HERC1: variants seen among roughly 807,000 people sequenced by gnomAD.
HERC1 encodes probable E3 ubiquitin-protein ligase HERC1.
Under a neutral mutation model 554.3 loss-of-function variants are expected in HERC1, and 160 were observed. The ratio of observed to expected loss-of-function variants is 0.29; its 90% CI spans 0.25 to 0.33. HERC1 has a LOEUF of 0.33. Ranked by LOEUF, HERC1 falls within the 10% of genes least tolerant of loss-of-function variation. The pLI, the probability that HERC1 is intolerant of heterozygous loss-of-function variation, is 1.00. For missense variants in HERC1, 4,919 were observed against 5,918.5 expected, an observed-to-expected ratio of 0.83 and a Z score of 5.54; for synonymous variants, 2,175 against 2,131.7, an observed-to-expected ratio of 1.02 and a Z score of -0.56.
At chr15:63,695,579 G>C (rs2072362352) in intron 27 of HERC1, among the ~76,000 whole-genome samples, 1 of 151,598 alleles carries the variant, frequency 6.6e-6, no homozygotes, top group Admixed American at 6.6e-5. Flanking sequence ...GTAGAGACGG[G>C]GTTTCGCCAT....
intron 2 of HERC1, among the ~76,000 whole-genome samples, chr15:63,767,513 A>G (rs2075819236): frequency 6.6e-6 from 1 of 152,092 alleles, no homozygotes; most frequent in Admixed American, 6.5e-5. Flanking sequence ...CAGCCTGACC[A>G]TGCTGAAACC....
chr15:63,760,091 A>C (rs2075557614), intron 3 of HERC1, among the ~76,000 whole-genome samples: 1 of 116,542 alleles, frequency 8.6e-6, no homozygotes, highest in Non-Finnish European at 1.8e-5. Context: ...CCCTACACTG[A>C]GAAAAACTAC....
At chr15:63,660,060 T>C (rs375212901) in intron 46 of HERC1, 124 bp from the exon 47 acceptor site, 45 of 785,956 alleles carry the variant, frequency 5.7e-5, no homozygotes, top group East Asian at 2.1e-4. Flanking sequence ...GGCTCACGCC[T>C]GTAATCCCAA....
At chr15:63,761,911 G>GAACT (rs2075623849) in intron 3 of HERC1, among the ~76,000 whole-genome samples, 1 of 152,178 alleles carries the variant, frequency 6.6e-6, no homozygotes, top group Non-Finnish European at 1.5e-5. Flanking sequence ...GTATCAGTAT[G>GAACT]AACTCATTAG....
At chr15:63,703,737 A>T (rs1217246979) in intron 25 of HERC1, among the ~76,000 whole-genome samples, 1 of 151,808 alleles carries the variant, frequency 6.6e-6, no homozygotes, top group African/African-American at 2.4e-5. Flanking sequence ...AAAAAAATAT[A>T]TAAAATAAAT....
intron 71 of HERC1, 27 bp from the exon 72 acceptor site, chr15:63,624,354 A>C: frequency 6.4e-7 from 1 of 1,556,144 alleles, no homozygotes; most frequent in Non-Finnish European, 8.7e-7. Flanking sequence ...GGTTATCAGA[A>C]ATGGTACAAT....
chr15:63,617,084 T>C (rs2067852362), intron 74 of HERC1, among the ~76,000 whole-genome samples: 1 of 152,166 alleles, frequency 6.6e-6, no homozygotes, highest in South Asian at 2.1e-4. Flanking sequence ...TATGTATACA[T>C]GTGCCATGTT....
intron 68 of HERC1, among the ~76,000 whole-genome samples, chr15:63,631,400 C>T (rs2068550085): frequency 6.6e-6 from 1 of 152,206 alleles, no homozygotes; most frequent in South Asian, 2.1e-4. Flanking sequence ...TCTTTTCAGG[C>T]TCCAGCCCAT....
intron 76 of HERC1, among the ~76,000 whole-genome samples, chr15:63,613,177 T>C (rs149886825): frequency 1.5e-4 from 23 of 152,330 alleles, no homozygotes; most frequent in African/African-American, 5.5e-4. Flanking sequence ...TTATTAACTC[T>C]CTTAATTTTT....
intron 1 of HERC1, among the ~76,000 whole-genome samples, chr15:63,796,785 T>G (rs1293165485): frequency 3.3e-5 from 5 of 152,240 alleles, no homozygotes; most frequent in African/African-American, 1.2e-4. Flanking sequence ...TTGAAAGAAT[T>G]ATTATCTAAA....
chr15:63,689,216 T>C (rs529021648), intron 33 of HERC1, among the ~76,000 whole-genome samples: 18 of 152,318 alleles, frequency 1.2e-4, no homozygotes, highest in South Asian at 4.1e-4. Context: ...GGATACACTA[T>C]ATTTAGCAAC....
In HERC1 at chr15:63,628,733, G is replaced by A. The variant is rs764938162; in HGVS notation, c.13049C>T (p.Ala4350Val). The A allele has an allele frequency of 1.2e-6, 2 of 1,613,962 alleles. No individual in the cohort carries two copies. Among genetic ancestry groups the A allele is most frequent in the African/African-American group, 2.7e-5 (2 of 75,048 alleles). ...CCATGCAGCACTGTGGCAGCGGCCA[G>A]CCGAGATCTGCCGAACATTTTTCCC... ...LQGKNVRQIS[A>V]GRCHSAAWTA... The change falls in exon 70 of 78, where the codon GCT becomes GTT. Residue 4350 changes from alanine to valine, a missense_variant. Physicochemically the swap from Ala to Val is moderately conservative, Grantham distance 64. This residue lies in a region of HERC1 where 410 missense variants were observed against 467.0 expected (regional missense o/e 0.88). Coordinates refer to ENST00000443617, the MANE Select transcript of HERC1 (RefSeq NM_003922.4).
intron 1 of HERC1, among the ~76,000 whole-genome samples, chr15:63,816,572 A>C (rs1382280831): frequency 6.6e-6 from 1 of 152,222 alleles, no homozygotes; most frequent in Non-Finnish European, 1.5e-5. Flanking sequence ...ACTCTAAGTC[A>C]CAAGCTATTT....
At chr15:63,733,193 G>T in intron 13 of HERC1, 48 bp from the exon 14 acceptor site, 1 of 1,236,724 alleles carries the variant, frequency 8.1e-7, no homozygotes, top group Non-Finnish European at 1.2e-6. Context: ...ATATGCACTA[G>T]AAAAGAACAC....
chr15:63,710,937 A>T (rs2073261708), intron 24 of HERC1, among the ~76,000 whole-genome samples: 1 of 152,220 alleles, frequency 6.6e-6, no homozygotes, highest in South Asian at 2.1e-4. Context: ...GACCATGAAG[A>T]GCCTATAGAC....
chr15:63,820,900 T>C (rs2145720511), intron 1 of HERC1, among the ~76,000 whole-genome samples: 1 of 152,248 alleles, frequency 6.6e-6, no homozygotes, highest in South Asian at 2.1e-4. Context: ...ACATTAACAT[T>C]ACTACCATTA....
At chr15:63,641,428 C>A in intron 60 of HERC1, 42 bp downstream of exon 60, 1 of 1,517,318 alleles carries the variant, frequency 6.6e-7, no homozygotes, top group Non-Finnish European at 9.0e-7. Flanking sequence ...TTCCAAAGCA[C>A]CAGGTATCTG....
At chr15:63,634,336 T>C (rs2068689646) in intron 66 of HERC1, among the ~76,000 whole-genome samples, 1 of 152,218 alleles carries the variant, frequency 6.6e-6, no homozygotes, top group Admixed American at 6.5e-5. Flanking sequence ...TCTTGATGTA[T>C]ACAAGACAGA....
chr15:63,614,053 C>A (rs1298479107), intron 76 of HERC1, among the ~76,000 whole-genome samples: 1 of 151,866 alleles, frequency 6.6e-6, no homozygotes, highest in Non-Finnish European at 1.5e-5. Context: ...AGGGGGACAA[C>A]TGAGGACAGT....
Sources: allele counts gnomAD v4.1 joint callset (sites outside exome capture counted in the v4.1 genomes callset), GRCh38; gene constraint gnomAD v4.1.1; regional missense constraint gnomAD v4.1.1; transcripts MANE v1.5; gene names NCBI Gene and HGNC (gene_info 2026-07-23, HGNC 2026-07-21).